Variants in PMEL observed in about 807,000 individuals in gnomAD.
PMEL encodes the protein melanocyte protein PMEL.
PMEL carries 53 observed loss-of-function variants against 64.9 expected under a neutral mutation model. The observed-to-expected ratio is 0.82, with a 90% CI of 0.66 to 1.03. PMEL has a LOEUF of 1.03. PMEL is among the 50% of genes least tolerant of loss of function. The pLI is 0.00. For missense variants in PMEL, 716 were observed against 814.9 expected (o/e 0.88, Z 1.48); for synonymous variants, 299 against 316.2 (o/e 0.95, Z 0.58).
rs115106532 is a variant in PMEL, at chr12:55,955,729, C to T, written c.1556+50G>A. On this transcript the variant is annotated intron_variant, in intron 8 of 10. Coordinates refer to ENST00000548747, the MANE Select transcript of PMEL (RefSeq NM_001384361.1). ...GGAAGGGACACTAAATGCCAGAGAG[C>T]GGAGAAACAGTCAACCAAAGAGTTA... 1,857 of 1,607,828 alleles carry T rather than the reference C, an allele frequency of 1.2e-3. 29 individuals are homozygous for T. The African/African-American group carries it at 0.022, about 19-fold the overall frequency.
In PMEL at chr12:55,964,247, G is replaced by A. The variant is rs189059450; in HGVS notation, c.76+1689C>T. ...ACGATCTCAGCTTACTACAACCTCCGCCTCCCGGGTTCAAGCGATTCTCCT... is the reference window on the plus strand; with the variant it reads ...ACGATCTCAGCTTACTACAACCTCCACCTCCCGGGTTCAAGCGATTCTCCT... On this transcript the variant is annotated intron_variant, in intron 1 of 10. Coordinates refer to ENST00000548747, the MANE Select transcript of PMEL (RefSeq NM_001384361.1). 2.2e-4 allele frequency among the ~76,000 whole-genome samples: 33 copies of A among 149,788 alleles called. 3 individuals carry two copies. The highest frequency in any genetic ancestry group is 7.9e-4 in the African/African-American group (32 of 40,588).
rs760179764 is a variant in PMEL at position 55,961,729 on chromosome 12, G to A, written c.80C>T (p.Pro27Leu). ...ALLAVGATKVPRNQDWLGVSR... is the reference protein window; with the variant it reads ...ALLAVGATKVLRNQDWLGVSR... Reference sequence around the variant, plus strand: ...GACACCAAGCCAGTCCTGGTTTCTGGGTACTAAAAGGAATGTGCCATGAAG... The same window carrying A: ...GACACCAAGCCAGTCCTGGTTTCTGAGTACTAAAAGGAATGTGCCATGAAG... Residue 27 changes from proline to leucine, a missense_variant, in exon 2 of 11, where the codon CCC (proline) becomes CTC (leucine). Physicochemically the swap from Pro to Leu is moderately conservative, Grantham distance 98. Transcript: ENST00000548747. 1 of 1,610,938 alleles carries A rather than the reference G, an allele frequency of 6.2e-7. No homozygotes were observed. Among genetic ancestry groups the A allele is most frequent in the African/African-American group, 1.3e-5 (1 of 74,946 alleles).
At chr12:55,966,707 G>C, upstream of PMEL, 15 of 1,118,534 alleles carry the variant, frequency 1.3e-5, no homozygotes, top group Non-Finnish European at 1.6e-5. Context: ...GGGGAGGAGC[G>C]CTGGGCTCGC....
intron 6 of PMEL, 130 bp downstream of exon 6, chr12:55,956,819 G>T: frequency 1.0e-6 from 1 of 959,142 alleles, no homozygotes; most frequent in Non-Finnish European, 1.6e-6. Flanking sequence ...TTATAGCCAG[G>T]CCAGTGAGAA....
intron 1 of PMEL, among the ~76,000 whole-genome samples, chr12:55,965,169 C>A (rs1316632590): frequency 6.6e-6 from 1 of 152,098 alleles, no homozygotes; most frequent in Non-Finnish European, 1.5e-5. Flanking sequence ...CCTCGTGATC[C>A]ACCTGCTTCA....
At chr12:55,960,605 T>C (rs1228048130) in intron 3 of PMEL, among the ~76,000 whole-genome samples, 3 of 142,202 alleles carry the variant, frequency 2.1e-5, no homozygotes, top group African/African-American at 5.3e-5. Context: ...TGCAGTGGCA[T>C]GATCTCGGTT....
intron 1 of PMEL, 72 bp from the exon 2 acceptor site, chr12:55,961,804 T>G: frequency 1.1e-6 from 1 of 914,356 alleles, no homozygotes; most frequent in Non-Finnish European, 1.8e-6. Flanking sequence ...TCTATTCATG[T>G]CACTCCATTC....
intron 8 of PMEL, 26 bp downstream of exon 8, chr12:55,955,753 T>C (rs1888852136): frequency 6.2e-7 from 1 of 1,610,036 alleles, no homozygotes; most frequent in Admixed American, 1.7e-5. Flanking sequence ...ACCAAAGAGT[T>C]ACCAGCACAC....
At chr12:55,956,770 C>T (rs1175279611) in intron 6 of PMEL, among the ~76,000 whole-genome samples, 179 bp downstream of exon 6, 3 of 152,174 alleles carry the variant, frequency 2.0e-5, no homozygotes, top group Non-Finnish European at 4.4e-5. Flanking sequence ...TTCCTGAACT[C>T]CAGACCTATT....
At chr12:55,954,485 C>A (rs1888763460) in intron 10 of PMEL, 136 bp from the exon 11 acceptor site, 1 of 827,698 alleles carries the variant, frequency 1.2e-6, no homozygotes, top group Non-Finnish European at 1.9e-6. Context: ...TCCTCACCTC[C>A]AGGGTTTACC....
At chr12:55,954,425 C>A in intron 10 of PMEL, 76 bp from the exon 11 acceptor site, 1 of 1,478,850 alleles carries the variant, frequency 6.8e-7, no homozygotes, top group Non-Finnish European at 9.4e-7. Context: ...AAGAAGGGAA[C>A]ACACCCATAT....
At chr12:55,954,889 G>A (rs573353729) in intron 10 of PMEL, among the ~76,000 whole-genome samples, 1 of 152,014 alleles carries the variant, frequency 6.6e-6, no homozygotes, top group Admixed American at 6.6e-5. Context: ...GGGCAAAAAG[G>A]GTGAAACTCC....
chr12:55,954,265 G>C lies in PMEL; in HGVS notation c.1935C>G (p.Cys645Trp), dbSNP rs768267422. The change falls in exon 11 of 11, where the codon TGC becomes TGG. Residue 645 changes from cysteine (C) to tryptophan (W), a missense_variant. By Grantham distance (215) the Cys-to-Trp change is radical (BLOSUM62 -2). Transcript: ENST00000548747. ...SHWLRLPRIFCSCPIGENSPL... is the reference protein window; with the variant it reads ...SHWLRLPRIFWSCPIGENSPL... The stretch of plus-strand genomic sequence containing the variant: ...GGCTGTTCTCACCAATGGGACAAGA[G>C]CAGAAGATGCGGGGTAGACGCAGCC... The C allele has an allele frequency of 3.7e-6, 6 of 1,613,942 alleles. No homozygotes were observed. Among genetic ancestry groups the C allele is most frequent in the Non-Finnish European group, 5.1e-6 (6 of 1,179,824 alleles).
chr12:55,965,787 G>A, intron 1 of PMEL, 149 bp downstream of exon 1: 1 of 885,718 alleles, frequency 1.1e-6, no homozygotes, highest in South Asian at 1.5e-5. Context: ...ATGTAGGGAG[G>A]GAGCCCAGGT....
chr12:55,958,511 G>A lies in PMEL; in HGVS notation c.431C>T (p.Ser144Phe). 1 of 1,614,160 alleles carries A rather than the reference G, an allele frequency of 6.2e-7. No homozygotes were observed. Among genetic ancestry groups the A allele is most frequent in the Non-Finnish European group, 8.5e-7 (1 of 1,180,016 alleles). ...DGGPCPSGSWSQKRSFVYVWK... is the reference protein window; with the variant it reads ...DGGPCPSGSWFQKRSFVYVWK... ...GACATAAACAAAGCTTCTCTTCTGA[G>A]ACCAAGAGCCAGATGGGCAAGGTCC... is the stretch of plus-strand genomic sequence containing the variant. Residue 144 changes from serine (S) to phenylalanine (F), a missense_variant, in exon 4 of 11, where the codon TCT (serine) becomes TTT (phenylalanine). By Grantham distance (155) the Ser-to-Phe change is radical (BLOSUM62 -2). Coordinates refer to ENST00000548747, the MANE Select transcript of PMEL (RefSeq NM_001384361.1).
chr12:55,962,868 A>G (rs1889159189), intron 1 of PMEL, among the ~76,000 whole-genome samples: 1 of 151,940 alleles, frequency 6.6e-6, no homozygotes, highest in African/African-American at 2.4e-5. Context: ...CACATACCAT[A>G]AAATTTACTT....
chr12:55,958,421 A>C (rs1374481069), intron 4 of PMEL, 52 bp downstream of exon 4: 1 of 1,569,002 alleles, frequency 6.4e-7, no homozygotes, highest in Admixed American at 1.8e-5. Flanking sequence ...GTGATCAGGT[A>C]GAAAGAAGTA....
chr12:55,954,213 C>T lies in PMEL; in HGVS notation c.*1G>A. 6.2e-7 allele frequency: 1 copy of T among 1,609,440 alleles called. No individual in the cohort carries two copies. Among genetic ancestry groups the T allele is most frequent in the Non-Finnish European group, 8.5e-7 (1 of 1,178,260 alleles). The stretch of plus-strand genomic sequence containing the variant: ...AAAATCACAGCATCATATGAGAGTA[C>T]TCAGACCTGCTGCCCACTGAGGAGG... On this transcript the variant is annotated 3_prime_UTR_variant, in exon 11 of 11. Coordinates refer to ENST00000548747, the MANE Select transcript of PMEL (RefSeq NM_001384361.1).
chr12:55,961,264 T>C (rs1344771673), intron 3 of PMEL, 53 bp downstream of exon 3: 2 of 1,536,000 alleles, frequency 1.3e-6, no homozygotes, highest in Non-Finnish European at 1.8e-6. Context: ...TCACTGGGCA[T>C]ACCAGGGAAC....
Sources: gnomAD v4.1 joint callset for allele counts (sites outside exome capture counted in the v4.1 genomes callset) on GRCh38, gnomAD v4.1.1 for gene constraint, MANE v1.5 for transcripts, NCBI Gene and HGNC (gene_info 2026-07-23, HGNC 2026-07-21) for gene names.